Variants in TLCD1 observed in about 807,000 individuals in gnomAD.
The protein encoded by TLCD1 is TLC domain containing 1.
In TLCD1, 21 loss-of-function variants were observed where a neutral mutation model predicts 21.2. The ratio of observed to expected loss-of-function variants is 0.99; its 90% CI spans 0.70 to 1.42. The LOEUF (loss-of-function observed/expected upper bound fraction) is 1.42. TLCD1 is among the 40% of genes most tolerant of loss of function. The pLI, the probability that TLCD1 is intolerant of heterozygous loss-of-function variation, is 0.00. For synonymous variants in TLCD1, 168 were observed against 134.8 expected (o/e 1.25, Z -1.71); for missense variants, 344 against 330.3 (o/e 1.04, Z -0.32).
chr17:28,725,782 G>T lies in TLCD1; in HGVS notation c.194+122C>A, dbSNP rs997857971. ...TTTGGTTGGATAGGATACCAAACGG[G>T]ATCAGGTGAGACTGCGTGGCCTCAG... On this transcript the variant is annotated intron_variant, in intron 1 of 3. Transcript: ENST00000292090. The T allele has an allele frequency of 7.5e-6, 10 of 1,341,166 alleles. No individual in the cohort carries two copies. In the African/African-American group the frequency reaches 8.8e-5, roughly 12 times the overall value. 83.1% of individuals were successfully genotyped at this position (1,341,166 alleles called of 1,614,324 possible).
At chr17:28,725,806 A>G (rs2034215648) in intron 1 of TLCD1, 98 bp downstream of exon 1, 1 of 1,465,520 alleles carries the variant, frequency 6.8e-7, no homozygotes, top group Non-Finnish European at 9.2e-7. Context: ...GCGTGGCCTC[A>G]GCCCGCCAGT....
upstream of TLCD1, chr17:28,726,646 T>C (rs1374837170): frequency 9.4e-7 from 1 of 1,065,404 alleles, no homozygotes; most frequent in Non-Finnish European, 1.4e-6. Context: ...GCCCCCTAAG[T>C]CCTGGTCCTG....
chr17:28,724,926 C>G, intron 3 of TLCD1, 33 bp from the exon 4 acceptor site: 1 of 1,585,306 alleles, frequency 6.3e-7, no homozygotes, highest in South Asian at 1.1e-5. Context: ...GTTAGGGAAC[C>G]CAGATGCAGA....
chr17:28,724,503 G>T lies in TLCD1; in HGVS notation c.*7C>A. On this transcript the variant is annotated 3_prime_UTR_variant, in exon 4 of 4. Transcript: ENST00000292090. Reference sequence around the variant, plus strand: ...GTCCGTTTTTGTTGTCCCAGGCTCTGTGCCCCTCACTCAGTCAAGAACTTG... The same window carrying T: ...GTCCGTTTTTGTTGTCCCAGGCTCTTTGCCCCTCACTCAGTCAAGAACTTG... 2.5e-6 allele frequency: 4 copies of T among 1,611,416 alleles called. No homozygotes were observed. The highest frequency in any genetic ancestry group is 1.1e-5 in the South Asian group (1 of 91,022).
Position 28,724,421 on chromosome 17 carries a change from A to AG in TLCD1, c.*88dup. On this transcript the variant is annotated 3_prime_UTR_variant, in exon 4 of 4. Transcript: ENST00000292090. ...CAGAAGGTGGAGAGGCTGGCCTCAGAGGACACCCAGGCTTGGGGCTAAGTC... is the reference window on the plus strand; with the variant it reads ...CAGAAGGTGGAGAGGCTGGCCTCAGAGGGACACCCAGGCTTGGGGCTAAGTC... 1 of 1,505,650 alleles carries AG rather than the reference A, an allele frequency of 6.6e-7. No homozygotes were observed. The highest frequency in any genetic ancestry group is 9.0e-7 in the Non-Finnish European group (1 of 1,115,500). The allele number at this position is 1,505,650 out of a possible 1,614,324, so 93.3% of individuals were successfully genotyped here.
chr17:28,726,901 G>A, upstream of TLCD1: 8 of 1,329,292 alleles, frequency 6.0e-6, no homozygotes, highest in Non-Finnish European at 8.3e-6. Flanking sequence ...CCGGCTCCCC[G>A]GAGGCTGGGC....
chr17:28,726,672 C>T, upstream of TLCD1: 2 of 1,359,828 alleles, frequency 1.5e-6, no homozygotes, highest in Non-Finnish European at 2.0e-6. Context: ...GGCTCCGGAG[C>T]CCCGCGTCCG....
At chr17:28,726,280 CCCCAG>C, upstream of TLCD1, 1 of 1,187,608 alleles carries the variant, frequency 8.4e-7, no homozygotes, top group Non-Finnish European at 1.0e-6. Context: ...CTGCCCCCGC[CCCCAG>C]CCGCCCGCGC....
chr17:28,726,975 C>A, upstream of TLCD1: 1 of 675,040 alleles, frequency 1.5e-6, no homozygotes, highest in East Asian at 2.7e-5. Flanking sequence ...CGGTAGCTTG[C>A]AGCAGTTGCG....
chr17:28,725,137 A>G (rs72847548), intron 3 of TLCD1, among the ~76,000 whole-genome samples, 167 bp downstream of exon 3: 5,334 of 152,286 alleles, frequency 0.035, 144 homozygotes, highest in East Asian at 0.12. Context: ...TGCTGGCCTC[A>G]GTGAACAAGT....
Position 28,724,731 on chromosome 17 carries a change from T to G in TLCD1, c.523A>C (p.Asn175His), listed in dbSNP as rs1192286407. 1 of 1,613,998 alleles carries G rather than the reference T, an allele frequency of 6.2e-7. No individual in the cohort carries two copies. Among genetic ancestry groups the G allele is most frequent in the African/African-American group, 1.3e-5 (1 of 74,904 alleles). ...CGGAAGAGAAAGTACATGACCAGGT[T>G]CACATACTTGTTAACCCGGTAGAGG... ...HLLYRVNKYV[N>H]LVMYFLFRLA... is the part of the protein sequence containing the mutation. The change falls in exon 4 of 4, where the codon AAC becomes CAC. Residue 175 changes from asparagine to histidine, a missense_variant. Coordinates refer to ENST00000292090, the MANE Select transcript of TLCD1 (RefSeq NM_138463.4).
At chr17:28,725,012 A>AGTTTATAGTGGGTAAGATGCTTT (rs1392708115) in intron 3 of TLCD1, 119 bp from the exon 4 acceptor site, 17 of 1,128,752 alleles carry the variant, frequency 1.5e-5, no homozygotes, top group Non-Finnish European at 1.7e-5. Flanking sequence ...CTGGAATAAT[A>AGTTTATAGTGGGTAAGATGCTTT]GTTTATAGTG....
rs375214941 is a variant in TLCD1 at position 28,725,962 on chromosome 17, G to T, written c.136C>A (p.His46Asn). 6.2e-7 allele frequency: 1 copy of T among 1,612,524 alleles called. No individual in the cohort carries two copies. Among genetic ancestry groups the T allele is most frequent in the African/African-American group, 1.3e-5 (1 of 74,818 alleles). ...RADPLRTWRWHNLLVSFAHSI... is the reference protein window; with the variant it reads ...RADPLRTWRWNNLLVSFAHSI... ...TGAGCGAAGGAGACGAGCAGGTTGT[G>T]CCAGCGCCAGGTGCGCAGGGGGTCG... Residue 46 changes from histidine (H) to asparagine (N), a missense_variant, in exon 1 of 4, where the codon CAC (histidine) becomes AAC (asparagine). Transcript: ENST00000292090.
Position 28,724,485 on chromosome 17 carries a change from T to C in TLCD1, c.*25A>G. On this transcript the variant is annotated 3_prime_UTR_variant, in exon 4 of 4. Transcript: ENST00000292090. ...GAAGCTGTTTCTGGCCTTGTCCGTT[T>C]TTGTTGTCCCAGGCTCTGTGCCCCT... The C allele has an allele frequency of 6.2e-7, 1 of 1,604,158 alleles. No homozygotes were observed. The highest frequency in any genetic ancestry group is 1.1e-5 in the South Asian group (1 of 90,560).
At position 28,725,391 on chromosome 17, in the gene TLCD1, T is replaced by A; in HGVS notation, c.278-5A>T. ...CCGTATCGTGGATGAAATACCCTAG[T>A]GGAGGGATGGGGCAAGAGATCATGA... On this transcript the variant is annotated splice_region_variant and splice_polypyrimidine_tract_variant and intron_variant, in intron 2 of 3. Transcript: ENST00000292090. 6.2e-7 allele frequency: 1 copy of A among 1,614,178 alleles called. No homozygotes were observed. The highest frequency in any genetic ancestry group is 1.1e-5 in the South Asian group (1 of 91,086).
rs1395432992 is a variant in TLCD1, at chr17:28,725,897, C to A, written c.194+7G>T. 1.2e-6 allele frequency: 2 copies of A among 1,611,796 alleles called. No individual in the cohort carries two copies. Among genetic ancestry groups the A allele is most frequent in the South Asian group, 1.1e-5 (1 of 90,834 alleles). On this transcript the variant is annotated splice_region_variant and intron_variant, in intron 1 of 3. Coordinates refer to ENST00000292090, the MANE Select transcript of TLCD1 (RefSeq NM_138463.4). ...TGGCCACCTCATTTCCACAGTCGCT[C>A]ACTCACCACAGCAGTGCCCAGATCC...
Position 28,725,342 on chromosome 17 carries a change from T to G in TLCD1, c.322A>C (p.Thr108Pro), listed in dbSNP as rs1597799958. ...DTVDIVASGQ[T>P]RASWEYLVHH... ...ACAAGGTATTCCCAAGAGGCTCGCG[T>G]CTGTCCGCTAGCCACGATGTCCACC... Residue 108 changes from threonine (T) to proline (P), a missense_variant, in exon 3 of 4, where the codon ACG (threonine) becomes CCG (proline). Physicochemically the swap from Thr to Pro is conservative, Grantham distance 38. Transcript: ENST00000292090. 1.2e-6 allele frequency: 2 copies of G among 1,613,982 alleles called. No homozygotes were observed. Among genetic ancestry groups the G allele is most frequent in the Non-Finnish European group, 1.7e-6 (2 of 1,179,974 alleles).
At chr17:28,727,641 A>C (rs943343985), upstream of TLCD1, 10 of 145,520 alleles carry the variant, frequency 6.9e-5, no homozygotes, top group African/African-American at 2.6e-4. Flanking sequence ...TTTTTTTGAG[A>C]TGGAGGCTCA....
chr17:28,727,751 C>G (rs1021135999), upstream of TLCD1: 4 of 151,996 alleles, frequency 2.6e-5, no homozygotes, highest in African/African-American at 9.7e-5. Flanking sequence ...TCCCGAGTAG[C>G]TGGGATTACA....
Sources: allele counts gnomAD v4.1 joint callset (sites outside exome capture counted in the v4.1 genomes callset), GRCh38; gene constraint gnomAD v4.1.1; transcripts MANE v1.5; gene names NCBI Gene and HGNC (gene_info 2026-07-23, HGNC 2026-07-21).